PGR: variants seen among roughly 807,000 people sequenced by gnomAD.
The protein encoded by PGR is nuclear receptor subfamily 3 group C member 3.
In PGR, 25 loss-of-function variants were observed where a neutral mutation model predicts 76.1. That is an observed-to-expected ratio of 0.33 (90% CI 0.24 to 0.46). PGR has a LOEUF of 0.46. Ranked by LOEUF, PGR falls within the 20% of genes least tolerant of loss-of-function variation. The probability of loss-of-function intolerance (pLI) is 1.00; values close to 1 mark genes in which losing one functional copy is unlikely to be tolerated. For synonymous variants in PGR, 579 were observed against 535.0 expected (o/e 1.08, Z -1.14); for missense variants, 1,172 against 1,225.3 (o/e 0.96, Z 0.65).
chr11:101,115,474 A>T (rs1204812097), intron 2 of PGR, among the ~76,000 whole-genome samples: 1 of 152,150 alleles, frequency 6.6e-6, no homozygotes, highest in Non-Finnish European at 1.5e-5. Flanking sequence ...AGAATTTATT[A>T]AAAATGATAA....
In PGR at chr11:101,126,065, A is replaced by G; in HGVS notation, c.1731T>C (p.Cys577=). ...CLICGDEASG[C]HYGVLTCGSC... is the part of the protein sequence containing the mutation. ...TCCCACAGGTAAGGACACCATAATGACAGCCTGATGCTTCATCCCCACAGA... is the reference window on the plus strand; with the variant it reads ...TCCCACAGGTAAGGACACCATAATGGCAGCCTGATGCTTCATCCCCACAGA... Residue 577 remains cysteine (C), a synonymous_variant, in exon 2 of 8, where the codon TGT becomes TGC. Transcript: ENST00000325455. 9 of 1,614,084 alleles carry G rather than the reference A, an allele frequency of 5.6e-6. No homozygotes were observed. Among genetic ancestry groups the G allele is most frequent in the Non-Finnish European group, 7.6e-6 (9 of 1,179,960 alleles).
At position 101,126,217 on chromosome 11, in the gene PGR, A is replaced by C. The variant is rs1162771491; in HGVS notation, c.1638-59T>G. On this transcript the variant is annotated intron_variant, in intron 1 of 7. Transcript: ENST00000325455. Reference sequence around the variant, plus strand: ...TTAAGTGCACCACTATCTAATACTAAAGGTTTCTTAAACCAGTATTAACAG... The same window carrying C: ...TTAAGTGCACCACTATCTAATACTACAGGTTTCTTAAACCAGTATTAACAG... The C allele has an allele frequency of 2.6e-6, 4 of 1,515,376 alleles. No homozygotes were observed. In the African/African-American group the frequency reaches 4.1e-5, roughly 16 times the overall value. 93.9% of individuals were successfully genotyped at this position (1,515,376 alleles called of 1,614,324 possible). A position where few individuals can be genotyped will look rare whatever the true frequency, so the allele number is the denominator to read the frequency against.
intron 5 of PGR, 61 bp from the exon 6 acceptor site, chr11:101,050,120 A>T: frequency 6.4e-7 from 1 of 1,555,588 alleles, no homozygotes; most frequent in South Asian, 1.1e-5. Context: ...TGTCTCAGCC[A>T]GTTTAGGTAA....
chr11:101,114,747 T>G (rs1447999441), intron 2 of PGR, among the ~76,000 whole-genome samples: 2 of 152,244 alleles, frequency 1.3e-5, no homozygotes, highest in African/African-American at 4.8e-5. Context: ...ATCTACCCAT[T>G]GAACCCATTC....
At chr11:101,094,176 A>C (rs543674242) in intron 2 of PGR, among the ~76,000 whole-genome samples, 1 of 152,322 alleles carries the variant, frequency 6.6e-6, no homozygotes, top group South Asian at 2.1e-4. Flanking sequence ...ATTCTCCCTG[A>C]ATACATTCCC....
chr11:101,084,783 G>C (rs764142143), intron 3 of PGR, among the ~76,000 whole-genome samples: 6 of 152,074 alleles, frequency 3.9e-5, no homozygotes, highest in Non-Finnish European at 8.8e-5. Flanking sequence ...GTTGGAGAAA[G>C]ATGTAGCATG....
chr11:101,051,596 A>G (rs1201089153), intron 4 of PGR, 28 bp from the exon 5 acceptor site: 2 of 1,543,478 alleles, frequency 1.3e-6, no homozygotes, highest in African/African-American at 2.7e-5. Flanking sequence ...AAATACAGTG[A>G]CCATAAAAAT....
At chr11:101,088,406 A>G (rs1280876750) in intron 3 of PGR, among the ~76,000 whole-genome samples, 1 of 152,016 alleles carries the variant, frequency 6.6e-6, no homozygotes, top group Non-Finnish European at 1.5e-5. Flanking sequence ...AACTCAGCTC[A>G]CTGCAAGCTC....
At chr11:101,054,304 G>A (rs979582485) in intron 4 of PGR, among the ~76,000 whole-genome samples, 21 of 152,188 alleles carry the variant, frequency 1.4e-4, no homozygotes, top group African/African-American at 4.8e-4. Context: ...TTACTCAGGT[G>A]CAGAAAGACT....
intron 2 of PGR, among the ~76,000 whole-genome samples, chr11:101,093,956 C>T (rs1305085349): frequency 6.6e-6 from 1 of 152,180 alleles, no homozygotes; most frequent in Non-Finnish European, 1.5e-5. Flanking sequence ...TCTCCTTATT[C>T]AGTGTCTCAA....
intron 3 of PGR, 91 bp downstream of exon 3, chr11:101,091,665 AAAAC>A (rs1861678435): frequency 1.3e-6 from 1 of 779,568 alleles, no homozygotes; most frequent in South Asian, 1.4e-5. Context: ...AGAAAAAACA[AAAAC>A]AAAGATGAAT....
intron 2 of PGR, among the ~76,000 whole-genome samples, chr11:101,103,184 G>C (rs1035217920): frequency 6.6e-6 from 1 of 152,076 alleles, no homozygotes; most frequent in African/African-American, 2.4e-5. Context: ...GTGAAAGTCA[G>C]TATGGTATGA....
chr11:101,064,345 A>C (rs1163811593), intron 3 of PGR, among the ~76,000 whole-genome samples: 48 of 137,922 alleles, frequency 3.5e-4, no homozygotes, highest in South Asian at 1.5e-3. Flanking sequence ...AAAAAAAAAA[A>C]AAAAAAAAAA....
At chr11:101,123,081 C>T (rs958376550) in intron 2 of PGR, among the ~76,000 whole-genome samples, 16 of 152,152 alleles carry the variant, frequency 1.1e-4, no homozygotes, top group African/African-American at 2.9e-4. Context: ...TTCATACCAC[C>T]TGGATTTGAA....
At chr11:101,096,786 T>A (rs1402637063) in intron 2 of PGR, among the ~76,000 whole-genome samples, 6 of 152,236 alleles carry the variant, frequency 3.9e-5, no homozygotes, top group Non-Finnish European at 7.3e-5. Flanking sequence ...AAACCGTAGG[T>A]TGATGGCTCA....
chr11:101,117,746 G>A (rs978597114), intron 2 of PGR, among the ~76,000 whole-genome samples: 8 of 151,902 alleles, frequency 5.3e-5, no homozygotes, highest in Non-Finnish European at 1.2e-4. Flanking sequence ...GTTTTTAAAG[G>A]CTTTGAATAA....
intron 6 of PGR, among the ~76,000 whole-genome samples, chr11:101,047,643 A>G (rs1228794708): frequency 6.6e-6 from 1 of 152,098 alleles, no homozygotes; most frequent in African/African-American, 2.4e-5. Flanking sequence ...CCCTGTAAAG[A>G]TGTTGCCAAG....
intron 6 of PGR, among the ~76,000 whole-genome samples, chr11:101,043,113 T>C (rs1859749519): frequency 6.6e-6 from 1 of 152,178 alleles, no homozygotes; most frequent in Non-Finnish European, 1.5e-5. Context: ...AGCAGTTTGA[T>C]GGCAATTTAC....
intron 2 of PGR, 101 bp from the exon 3 acceptor site, chr11:101,091,977 G>C: frequency 1.4e-6 from 1 of 716,118 alleles, no homozygotes; most frequent in South Asian, 1.5e-5. Context: ...ACATCAGCAA[G>C]TGCATGACTC....
Sources: gnomAD v4.1 joint callset for allele counts (sites outside exome capture counted in the v4.1 genomes callset) on GRCh38, gnomAD v4.1.1 for gene constraint, MANE v1.5 for transcripts, NCBI Gene and HGNC (gene_info 2026-07-23, HGNC 2026-07-21) for gene names.